The following MBTD1 variants were observed in gnomAD, a reference collection of about 807,000 sequenced individuals.
MBTD1 encodes MBT domain-containing protein 1.
A neutral mutation model predicts 87.8 loss-of-function variants in MBTD1; 24 were observed. That is an observed-to-expected ratio of 0.27 (90% CI 0.20 to 0.38). MBTD1 has a LOEUF of 0.38. MBTD1 is among the 10% of genes least tolerant of loss of function. MBTD1 has a pLI of 1.00. For synonymous variants in MBTD1, 237 were observed against 248.6 expected, an observed-to-expected ratio of 0.95 and a Z score of 0.44; for missense variants, 436 against 760.2, an observed-to-expected ratio of 0.57 and a Z score of 5.02.
chr17:51,202,861 T>C lies in MBTD1; in HGVS notation c.903A>G (p.Arg301=). The C allele has an allele frequency of 6.2e-7, 1 of 1,614,180 alleles. No homozygotes were observed. The highest frequency in any genetic ancestry group is 8.5e-7 in the Non-Finnish European group (1 of 1,180,016). ...VEVVDKRHLC[R]TRVAVVESVI... ...CACTTTCCACCACTGCTACTCGTGT[T>C]CGACACAAATGCCTCTTGTCAACCA... The change falls in exon 10 of 17, where the codon CGA becomes CGG. Residue 301 remains arginine, a synonymous_variant. Transcript: ENST00000586178.
At chr17:51,250,284 T>C (rs1242341936) in intron 2 of MBTD1, 1 of 152,222 alleles carries the variant, frequency 6.6e-6, no homozygotes, top group African/African-American at 2.4e-5. Flanking sequence ...AATGTTTATG[T>C]ACTATTCTCT....
rs774666403 is a variant in MBTD1, at chr17:51,201,733, A to G, written c.1120-37T>C. 3.1e-6 allele frequency: 4 copies of G among 1,311,046 alleles called. No homozygotes were observed. The South Asian group carries it at 4.9e-5, about 16-fold the overall frequency. The allele number at this position is 1,311,046 out of a possible 1,614,324, so 81.2% of individuals were successfully genotyped here. A position where few individuals can be genotyped will look rare whatever the true frequency, so the allele number is the denominator to read the frequency against. Reference sequence around the variant, plus strand: ...TATGAAAGCACATCTACTGTTACAAATGTTGTTATTTTGATAATTAAAATA... The same window carrying G: ...TATGAAAGCACATCTACTGTTACAAGTGTTGTTATTTTGATAATTAAAATA... On this transcript the variant is annotated intron_variant, in intron 11 of 16. Transcript: ENST00000586178.
chr17:51,217,233 A>G, intron 6 of MBTD1, 101 bp downstream of exon 6: 1 of 633,086 alleles, frequency 1.6e-6, no homozygotes, highest in Non-Finnish European at 2.7e-6. Flanking sequence ...AAGACATAAA[A>G]ACAAACACCT....
intron 2 of MBTD1, among the ~76,000 whole-genome samples, chr17:51,237,175 A>ACC (rs2053889772): frequency 6.6e-6 from 1 of 151,912 alleles, no homozygotes; most frequent in Admixed American, 6.6e-5. Context: ...AGGTGCCTGT[A>ACC]ATCTCAGCTA....
intron 7 of MBTD1, among the ~76,000 whole-genome samples, chr17:51,205,077 A>C (rs962803068): frequency 3.3e-5 from 5 of 152,236 alleles, no homozygotes; most frequent in Non-Finnish European, 7.3e-5. Context: ...CTTTATGTTG[A>C]TAAAAGATTA....
chr17:51,214,608 G>A lies in MBTD1; in HGVS notation c.486+2726C>T, dbSNP rs576252386. On this transcript the variant is annotated intron_variant, in intron 6 of 16. Coordinates refer to ENST00000586178, the MANE Select transcript of MBTD1 (RefSeq NM_017643.3). ...TTAAAGAAGCCAGGGCTCTGACAGC[G>A]TCCCCATCCCAATTCCTGACTCAAT... is the stretch of plus-strand genomic sequence containing the variant. Among the ~76,000 whole-genome samples the A allele has an allele frequency of 1.3e-3, 203 of 152,250 alleles. 1 individual carries two copies. The highest frequency in any genetic ancestry group is 3.0e-3 in the African/African-American group (123 of 41,562).
intron 2 of MBTD1, among the ~76,000 whole-genome samples, chr17:51,245,252 T>G (rs529734709): frequency 6.6e-6 from 1 of 152,190 alleles, no homozygotes; most frequent in Non-Finnish European, 1.5e-5. Context: ...GCCTACTTTT[T>G]TTCTTCTTTA....
At chr17:51,246,802 AT>A (rs57822348) in intron 2 of MBTD1, among the ~76,000 whole-genome samples, 2,836 of 147,726 alleles carry the variant, frequency 0.019, 64 homozygotes, top group African/African-American at 0.047. Flanking sequence ...CACCCAGATA[AT>A]TTTTTTTTTT....
upstream of MBTD1, chr17:51,260,512 G>A (rs1473556978): frequency 2.9e-5 from 43 of 1,476,528 alleles, no homozygotes; most frequent in Admixed American, 1.1e-4. Flanking sequence ...CGGCGGCGGC[G>A]GCCCGCGAGG....
chr17:51,189,447 C>G (rs1250804122), intron 16 of MBTD1, among the ~76,000 whole-genome samples: 1 of 152,134 alleles, frequency 6.6e-6, no homozygotes, highest in African/African-American at 2.4e-5. Context: ...ATCCAGAACT[C>G]TAGTAATGGT....
At chr17:51,188,709 T>TACGGC (rs1054713909) in intron 16 of MBTD1, among the ~76,000 whole-genome samples, 7 of 150,834 alleles carry the variant, frequency 4.6e-5, no homozygotes, top group African/African-American at 1.7e-4. Context: ...TGCTTCTTAA[T>TACGGC]ACGGCACTAT....
intron 12 of MBTD1, among the ~76,000 whole-genome samples, chr17:51,198,976 T>C (rs1035710056): frequency 6.6e-6 from 1 of 152,138 alleles, no homozygotes; most frequent in African/African-American, 2.4e-5. Flanking sequence ...CTAATTTTTG[T>C]ATGGAGATGG....
intron 6 of MBTD1, among the ~76,000 whole-genome samples, chr17:51,213,168 A>G (rs983095285): frequency 6.6e-6 from 1 of 152,138 alleles, no homozygotes; most frequent in Non-Finnish European, 1.5e-5. Flanking sequence ...CCTCCTGAGT[A>G]GCTGGGACTA....
intron 6 of MBTD1, among the ~76,000 whole-genome samples, chr17:51,212,218 T>C (rs2052272610): frequency 6.6e-6 from 1 of 151,030 alleles, no homozygotes; most frequent in Non-Finnish European, 1.5e-5. Context: ...ATTAGCCGAG[T>C]GTGGTTGTGT....
rs1263283532 is a variant in MBTD1, at chr17:51,201,584, T to G, written c.1224+8A>C. ...TGCATTTCTATATTTTAAAACCTAT[T>G]ATCTTACCTTTCTAATGGTTGCGAC... On this transcript the variant is annotated splice_region_variant and intron_variant, in intron 12 of 16. Coordinates refer to ENST00000586178, the MANE Select transcript of MBTD1 (RefSeq NM_017643.3). 1 of 1,544,562 alleles carries G rather than the reference T, an allele frequency of 6.5e-7. No homozygotes were observed. Among genetic ancestry groups the G allele is most frequent in the African/African-American group, 1.4e-5 (1 of 73,028 alleles).
At chr17:51,202,545 A>C (rs1389608878) in intron 10 of MBTD1, among the ~76,000 whole-genome samples, 156 bp downstream of exon 10, 1 of 152,250 alleles carries the variant, frequency 6.6e-6, no homozygotes, top group Non-Finnish European at 1.5e-5. Context: ...TTAGGACACT[A>C]ATATGGTGTG....
intron 2 of MBTD1, among the ~76,000 whole-genome samples, chr17:51,225,445 G>C (rs896000226): frequency 4.0e-5 from 6 of 150,890 alleles, no homozygotes; most frequent in African/African-American, 1.5e-4. Context: ...TCCACCTCCC[G>C]CACTCAGATG....
At chr17:51,256,282 C>T (rs2055084005) in intron 2 of MBTD1, 1 of 152,168 alleles carries the variant, frequency 6.6e-6, no homozygotes, top group Non-Finnish European at 1.5e-5. Context: ...GAAAGTGAAG[C>T]TTTCAAAGAG....
At position 51,180,749 on chromosome 17, in the gene MBTD1, T is replaced by C. The variant is rs539155979; in HGVS notation, c.1769-55A>G. 161 of 890,698 alleles carry C rather than the reference T, an allele frequency of 1.8e-4. 1 individual carries two copies. In the African/African-American group the frequency reaches 2.4e-3, roughly 13 times the overall value. 55.2% of individuals were successfully genotyped at this position (890,698 alleles called of 1,614,324 possible). A position where few individuals can be genotyped will look rare whatever the true frequency, so the allele number is the denominator to read the frequency against. On this transcript the variant is annotated intron_variant, in intron 16 of 16. Coordinates refer to ENST00000586178, the MANE Select transcript of MBTD1 (RefSeq NM_017643.3). ...ATTAAGGCTCTCTAGAGTACTCGGA[T>C]TGCCTGTGATCTTCGTGTTCCGTCA...
Sources: gnomAD v4.1 joint callset for allele counts (sites outside exome capture counted in the v4.1 genomes callset) on GRCh38, gnomAD v4.1.1 for gene constraint, MANE v1.5 for transcripts, NCBI Gene and HGNC (gene_info 2026-07-23, HGNC 2026-07-21) for gene names.